Variants in STARD13 observed in about 807,000 individuals in gnomAD.
The protein encoded by STARD13 is StAR related lipid transfer domain containing 13.
Under a neutral mutation model 106.4 loss-of-function variants are expected in STARD13, and 62 were observed. The ratio of observed to expected loss-of-function variants is 0.58; its 90% CI spans 0.48 to 0.72. STARD13 has a LOEUF of 0.72. Ranked by LOEUF, STARD13 falls within the 30% of genes least tolerant of loss-of-function variation. STARD13 has a pLI of 0.00. For synonymous variants in STARD13, 565 were observed against 553.0 expected (o/e 1.02, Z -0.31); for missense variants, 1,387 against 1,424.0 (o/e 0.97, Z 0.42).
At chr13:33,549,976 C>G in the STARD13 span, among the ~76,000 whole-genome samples, 1 of 152,202 alleles carries the variant, frequency 6.6e-6, no homozygotes, top group African/African-American at 2.4e-5. Flanking sequence ...TGCCTCTGTT[C>G]ACTGTTGCTA....
At chr13:33,203,656 T>A (rs1887208056) in intron 1 of STARD13, among the ~76,000 whole-genome samples, 1 of 152,186 alleles carries the variant, frequency 6.6e-6, no homozygotes, top group Non-Finnish European at 1.5e-5. Flanking sequence ...ATGCTGAGAA[T>A]CTTGATGAGA....
At chr13:33,606,130 T>A in the STARD13 span, among the ~76,000 whole-genome samples, 1 of 152,066 alleles carries the variant, frequency 6.6e-6, no homozygotes, top group African/African-American at 2.4e-5. Context: ...TGAAACCCCA[T>A]CTCTACTAAA....
rs181320805 is a variant in STARD13, at chr13:33,116,097, C to A, written c.2281+1968G>T. Among the ~76,000 whole-genome samples, 353 of 152,324 alleles carry A rather than the reference C, an allele frequency of 2.3e-3. 1 individual carries two copies. The highest frequency in any genetic ancestry group is 3.1e-3 in the Non-Finnish European group (211 of 68,022). On this transcript the variant is annotated intron_variant, in intron 8 of 13. Coordinates refer to ENST00000336934, the MANE Select transcript of STARD13 (RefSeq NM_178006.4). ...CAATGCTTAATGAATCAAGCATACA[C>A]TCCTTGCCCTAATATTCAATGTCCT... is the stretch of plus-strand genomic sequence containing the variant.
chr13:33,110,790 A>C lies in STARD13; in HGVS notation c.2725T>G (p.Tyr909Asp). 1 of 1,614,158 alleles carries C rather than the reference A, an allele frequency of 6.2e-7. No homozygotes were observed. The highest frequency in any genetic ancestry group is 8.5e-7 in the Non-Finnish European group (1 of 1,179,996). Residue 909 changes from tyrosine to aspartate, a missense_variant, in exon 11 of 14, where the codon TAC becomes GAC. By Grantham distance (160) the Tyr-to-Asp change is radical. Coordinates refer to ENST00000336934, the MANE Select transcript of STARD13 (RefSeq NM_178006.4). The part of the protein sequence containing the change: ...LEESGATFHT[Y>D]LNHLIQGLQK... ...AGGCCCTGGATGAGATGGTTCAGGT[A>C]AGTGTGGAAAGTTGCCCCACTCTCC...
At chr13:33,398,420 A>G in the STARD13 span, among the ~76,000 whole-genome samples, 1 of 152,214 alleles carries the variant, frequency 6.6e-6, no homozygotes, top group African/African-American at 2.4e-5. Flanking sequence ...AATTCTTAAG[A>G]CACTAAAACA....
chr13:33,660,210 T>G, the STARD13 span, among the ~76,000 whole-genome samples: 1 of 152,228 alleles, frequency 6.6e-6, no homozygotes, highest in African/African-American at 2.4e-5. Context: ...TTTTCTTAGC[T>G]GAATTCATGT....
chr13:33,658,871 C>A, the STARD13 span, among the ~76,000 whole-genome samples: 408 of 152,292 alleles, frequency 2.7e-3, 1 homozygote, highest in Non-Finnish European at 4.1e-3. Context: ...TAGAGGTTAA[C>A]TTGGTCACCA....
chr13:33,425,925 G>A, the STARD13 span, among the ~76,000 whole-genome samples: 1 of 152,268 alleles, frequency 6.6e-6, no homozygotes, highest in South Asian at 2.1e-4. Context: ...TACTGAAATT[G>A]TTGTTTTTAC....
At chr13:33,355,254 T>G (rs896397183), upstream of STARD13, 1 of 152,218 alleles carries the variant, frequency 6.6e-6, no homozygotes, top group Admixed American at 6.5e-5. Flanking sequence ...CACATCTGAA[T>G]GCCAACAACT....
the STARD13 span, among the ~76,000 whole-genome samples, chr13:33,391,952 T>C: frequency 9.9e-5 from 15 of 152,182 alleles, no homozygotes; most frequent in African/African-American, 3.6e-4. Context: ...AGCTCCGTGA[T>C]ATAATATCCT....
chr13:33,640,437 G>A, the STARD13 span, among the ~76,000 whole-genome samples: 9 of 152,186 alleles, frequency 5.9e-5, no homozygotes, highest in Admixed American at 5.9e-4. Context: ...AGCAAGGACT[G>A]TATTCTCTTC....
intron 1 of STARD13, among the ~76,000 whole-genome samples, chr13:33,341,026 A>T (rs1453341751): frequency 2.0e-5 from 3 of 152,184 alleles, no homozygotes; most frequent in South Asian, 4.1e-4. Flanking sequence ...TTGTCCTTCA[A>T]CTCAACTCTT....
In STARD13 at chr13:33,116,461, C is replaced by T. The variant is rs937075546; in HGVS notation, c.2281+1604G>A. On this transcript the variant is annotated intron_variant, in intron 8 of 13. Transcript: ENST00000336934. ...AGAGTGAGTCTCATCCATCCATATGCTCTGCCATGCTAAGCACGGTGCCCA... is the reference window on the plus strand; with the variant it reads ...AGAGTGAGTCTCATCCATCCATATGTTCTGCCATGCTAAGCACGGTGCCCA... 1.6e-4 allele frequency among the ~76,000 whole-genome samples: 25 copies of T among 152,222 alleles called. 1 individual carries two copies. Among genetic ancestry groups the T allele is most frequent in the African/African-American group, 5.8e-4 (24 of 41,452 alleles).
the STARD13 span, among the ~76,000 whole-genome samples, chr13:33,362,259 G>A: frequency 6.6e-6 from 1 of 152,242 alleles, no homozygotes; most frequent in Admixed American, 6.5e-5. Flanking sequence ...AAGAGCAAGA[G>A]CAAGGGTGAG....
At chr13:33,157,516 A>C (rs1030662303) in intron 3 of STARD13, among the ~76,000 whole-genome samples, 2 of 152,252 alleles carry the variant, frequency 1.3e-5, no homozygotes, top group East Asian at 3.9e-4. Flanking sequence ...AAAAATACAA[A>C]AAATGTAGCT....
chr13:33,655,190 T>C, the STARD13 span, among the ~76,000 whole-genome samples: 2 of 152,268 alleles, frequency 1.3e-5, no homozygotes, highest in African/African-American at 4.8e-5. Flanking sequence ...AACTCTAATG[T>C]AGATGTTACT....
chr13:33,280,527 A>G (rs563461473), intron 1 of STARD13: 6 of 152,290 alleles, frequency 3.9e-5, no homozygotes, highest in African/African-American at 1.4e-4. Flanking sequence ...AATCCTTGCT[A>G]TAGGTCAGGC....
intron 7 of STARD13, among the ~76,000 whole-genome samples, chr13:33,124,806 CT>C (rs1291887760): frequency 6.6e-6 from 1 of 152,180 alleles, no homozygotes; most frequent in African/African-American, 2.4e-5. Context: ...GCTGGGGCAT[CT>C]GTCAAAGAAG....
the STARD13 span, among the ~76,000 whole-genome samples, chr13:33,524,914 T>C: frequency 6.6e-6 from 1 of 152,130 alleles, no homozygotes; most frequent in Non-Finnish European, 1.5e-5. Flanking sequence ...TTAGTATTGA[T>C]TGTAGTCACC....
Sources: allele counts gnomAD v4.1 joint callset (sites outside exome capture counted in the v4.1 genomes callset), GRCh38; gene constraint gnomAD v4.1.1; transcripts MANE v1.5; gene names NCBI Gene and HGNC (gene_info 2026-07-23, HGNC 2026-07-21).